The following NBEAL1 variants were observed in gnomAD, a reference collection of about 807,000 sequenced individuals.
NBEAL1 encodes the protein neurobeachin-like protein 1.
Under a neutral mutation model 351.3 loss-of-function variants are expected in NBEAL1, and 273 were observed. The observed-to-expected ratio is 0.78, with a 90% confidence interval of 0.70 to 0.86. The LOEUF is 0.86. NBEAL1 is among the 40% of genes least tolerant of loss of function. The probability of loss-of-function intolerance (pLI) is 0.00; values close to 1 mark genes in which losing one functional copy is unlikely to be tolerated. For synonymous variants in NBEAL1, 1,050 were observed against 1,086.4 expected (o/e 0.97, Z 0.66); for missense variants, 2,961 against 3,201.3 (o/e 0.92, Z 1.81).
rs371111912 is a variant in NBEAL1, at chr2:203,117,183, C to T, written c.2592+1113C>T. 7.0e-4 allele frequency among the ~76,000 whole-genome samples: 106 copies of T among 151,866 alleles called. No homozygotes were observed. The South Asian group carries it at 7.9e-3, about 11-fold the overall frequency. On this transcript the variant is annotated intron_variant, in intron 18 of 55. Transcript: ENST00000683969. ...AAAGATATACAAAAATGTATAATCT[C>T]GGCCGGGCACAGTGGCTCACGCTTT...
rs2065777260 is a variant in NBEAL1 at position 203,211,113 on chromosome 2, A to C, written c.7934+7A>C. 6.5e-7 allele frequency: 1 copy of C among 1,534,732 alleles called. No individual in the cohort carries two copies. Reference sequence around the variant, plus strand: ...CTATAAGAGATCTCCACAGGTAAATAATAAAAACTAATGAAGTATCACTTA... The same window carrying C: ...CTATAAGAGATCTCCACAGGTAAATCATAAAAACTAATGAAGTATCACTTA... On this transcript the variant is annotated splice_region_variant and intron_variant, in intron 54 of 55. Coordinates refer to ENST00000683969, the MANE Select transcript of NBEAL1 (RefSeq NM_001378026.1).
intron 43 of NBEAL1, chr2:203,181,966 T>C (rs1026584909): frequency 6.6e-6 from 1 of 152,230 alleles, no homozygotes; most frequent in African/African-American, 2.4e-5. Flanking sequence ...TTAGTTGCTA[T>C]CTTTAGCACC....
At chr2:203,192,838 A>G (rs2065129482) in intron 46 of NBEAL1, among the ~76,000 whole-genome samples, 1 of 151,980 alleles carries the variant, frequency 6.6e-6, no homozygotes, top group Admixed American at 6.6e-5. Flanking sequence ...CATTTATTTC[A>G]TATTTATAGA....
chr2:203,128,977 A>C (rs1173896900), intron 24 of NBEAL1, among the ~76,000 whole-genome samples: 1 of 152,180 alleles, frequency 6.6e-6, no homozygotes, highest in African/African-American at 2.4e-5. Flanking sequence ...TTTTACTTAC[A>C]TTATCCCGTT....
intron 18 of NBEAL1, among the ~76,000 whole-genome samples, chr2:203,116,399 A>G (rs1241033958): frequency 1.3e-5 from 2 of 152,168 alleles, no homozygotes; most frequent in Non-Finnish European, 2.9e-5. Context: ...ATGAAACAGA[A>G]TTGTTCTCAG....
chr2:203,180,756 A>G (rs2064688054), intron 43 of NBEAL1, among the ~76,000 whole-genome samples: 1 of 152,138 alleles, frequency 6.6e-6, no homozygotes, highest in South Asian at 2.1e-4. Flanking sequence ...AGTGTTTACT[A>G]GGGAAGCAAA....
At chr2:203,124,731 A>G (rs985054319) in intron 19 of NBEAL1, among the ~76,000 whole-genome samples, 2 of 152,188 alleles carry the variant, frequency 1.3e-5, no homozygotes, top group African/African-American at 4.8e-5. Context: ...TATGTCAGAG[A>G]CTGCACTTTT....
At chr2:203,101,008 T>G (rs1010190936) in intron 12 of NBEAL1, among the ~76,000 whole-genome samples, 1 of 152,208 alleles carries the variant, frequency 6.6e-6, no homozygotes, top group African/African-American at 2.4e-5. Flanking sequence ...CTGTAGGTTG[T>G]CTGTTTACTC....
intron 35 of NBEAL1, among the ~76,000 whole-genome samples, chr2:203,157,309 T>C (rs1004761867): frequency 6.6e-6 from 1 of 152,162 alleles, no homozygotes; most frequent in African/African-American, 2.4e-5. Flanking sequence ...CATATATTCT[T>C]AGTATTGCTT....
Position 203,116,072 on chromosome 2 carries a change from T to C in NBEAL1, c.2592+2T>C, listed in dbSNP as rs2106255773. ...ATCCTTCTTTACTACACAGCAAAGGTCAGAGTAAATTTGTGAACTGTCCAT... is the reference window on the plus strand; with the variant it reads ...ATCCTTCTTTACTACACAGCAAAGGCCAGAGTAAATTTGTGAACTGTCCAT... On this transcript the variant is annotated splice_donor_variant, in intron 18 of 55. Coordinates refer to ENST00000683969, the MANE Select transcript of NBEAL1 (RefSeq NM_001378026.1). LOFTEE classifies it high-confidence loss of function. 1 of 1,548,738 alleles carries C rather than the reference T, an allele frequency of 6.5e-7. No individual in the cohort carries two copies. The highest frequency in any genetic ancestry group is 1.2e-5 in the South Asian group (1 of 84,052).
At chr2:203,147,441 G>T (rs1468237154) in intron 33 of NBEAL1, among the ~76,000 whole-genome samples, 1 of 151,962 alleles carries the variant, frequency 6.6e-6, no homozygotes, top group African/African-American at 2.4e-5. Flanking sequence ...AAATGCTTAG[G>T]TATCAATCTA....
chr2:203,096,859 A>C (rs1001795420), intron 10 of NBEAL1, among the ~76,000 whole-genome samples: 1 of 152,238 alleles, frequency 6.6e-6, no homozygotes, highest in African/African-American at 2.4e-5. Flanking sequence ...TTCCTTAACT[A>C]TAGAACCATA....
intron 16 of NBEAL1, 84 bp from the exon 17 acceptor site, chr2:203,112,931 A>C: frequency 8.3e-7 from 1 of 1,198,928 alleles, no homozygotes; most frequent in Non-Finnish European, 1.1e-6. Context: ...GTGTAATTTT[A>C]TGTACTATTT....
intron 44 of NBEAL1, among the ~76,000 whole-genome samples, chr2:203,187,616 C>T (rs1247766282): frequency 6.6e-6 from 1 of 151,658 alleles, no homozygotes; most frequent in Non-Finnish European, 1.5e-5. Context: ...TGGCAGGCGC[C>T]TGTAATCCCA....
intron 55 of NBEAL1, among the ~76,000 whole-genome samples, chr2:203,216,029 C>T (rs1035282003): frequency 7.6e-6 from 1 of 130,832 alleles, no homozygotes. Context: ...AAAAAAAAAA[C>T]GGTGGAATCA....
chr2:203,207,745 A>G (rs1049299440), intron 51 of NBEAL1, among the ~76,000 whole-genome samples: 1 of 152,152 alleles, frequency 6.6e-6, no homozygotes, highest in Non-Finnish European at 1.5e-5. Context: ...ACCACTCCCT[A>G]ATCTCAAGTA....
chr2:203,124,095 G>T (rs12693981), intron 19 of NBEAL1, among the ~76,000 whole-genome samples: 39,032 of 151,898 alleles, frequency 0.26, 5,520 homozygotes, highest in East Asian at 0.52. Context: ...CCAGTACTTT[G>T]GGAGGCCATG....
chr2:203,094,887 C>T (rs1174038075), intron 10 of NBEAL1, among the ~76,000 whole-genome samples: 1 of 152,060 alleles, frequency 6.6e-6, no homozygotes, highest in Non-Finnish European at 1.5e-5. Flanking sequence ...TTTTGGAGGC[C>T]AAGGCAGGCG....
At chr2:203,204,324 GTT>G (rs760736834) in intron 51 of NBEAL1, among the ~76,000 whole-genome samples, 18 of 125,798 alleles carry the variant, frequency 1.4e-4, no homozygotes, top group Middle Eastern at 4.5e-3. Flanking sequence ...GGGTTTTTTG[GTT>G]TTTTTTTTTT....
Sources: gnomAD v4.1 joint callset for allele counts (sites outside exome capture counted in the v4.1 genomes callset) on GRCh38, gnomAD v4.1.1 for gene constraint, MANE v1.5 for transcripts, NCBI Gene and HGNC (gene_info 2026-07-23, HGNC 2026-07-21) for gene names.